Variants in IL1RAPL2 observed in about 807,000 individuals in gnomAD.
The protein encoded by IL1RAPL2 is interleukin 1 receptor accessory protein like 2.
Under a neutral mutation model 44.1 loss-of-function variants are expected in IL1RAPL2, and 3 were observed. The observed-to-expected ratio is 0.07, with a 90% CI of 0.03 to 0.18. The LOEUF (loss-of-function observed/expected upper bound fraction) is 0.18, where lower values mean the gene tolerates loss of function less well. Among genes scored for constraint, IL1RAPL2 ranks in the 10% least tolerant of loss-of-function variants. IL1RAPL2 has a pLI of 1.00. For missense variants in IL1RAPL2, 391 were observed against 496.4 expected (o/e 0.79, Z 2.02); for synonymous variants, 181 against 178.8 (o/e 1.01, Z -0.10).
chrX:104,855,750 G>A (rs377253121), intron 2 of IL1RAPL2, among the ~76,000 whole-genome samples: 4 of 97,551 alleles, frequency 4.1e-5, no homozygotes, highest in African/African-American at 1.1e-4. Flanking sequence ...CTGTAGCCTC[G>A]ACCTGCTGGA....
chrX:105,583,379 C>G (rs2037103429), intron 6 of IL1RAPL2, among the ~76,000 whole-genome samples: 1 of 111,287 alleles, frequency 9.0e-6, no homozygotes. Flanking sequence ...CGTGATCCCC[C>G]TGCCTCGGCC....
intron 5 of IL1RAPL2, among the ~76,000 whole-genome samples, chrX:105,301,998 G>GT (rs1163177262): frequency 8.9e-6 from 1 of 111,835 alleles, no homozygotes; most frequent in East Asian, 2.8e-4. Context: ...TGAGGGTTCT[G>GT]TTTTCTCCAC....
chrX:104,905,690 T>G (rs1707740113), intron 2 of IL1RAPL2, among the ~76,000 whole-genome samples: 1 of 111,712 alleles, frequency 9.0e-6, no homozygotes, highest in African/African-American at 3.3e-5. Flanking sequence ...AGTACCATGC[T>G]GTTTTGGTTA....
At chrX:105,658,729 C>T (rs1299464120) in intron 6 of IL1RAPL2, among the ~76,000 whole-genome samples, 3 of 107,143 alleles carry the variant, frequency 2.8e-5, no homozygotes, top group African/African-American at 1.0e-4. Flanking sequence ...GGGAGGTGGG[C>T]AGATCATGAG....
rs756891746 is a variant in IL1RAPL2, at chrX:104,677,387, G to A, written c.82+18392G>A. 2.6e-4 allele frequency among the ~76,000 whole-genome samples: 29 copies of A among 110,781 alleles called. No homozygotes were observed. The East Asian group carries it at 8.3e-3, about 32-fold the overall frequency. On this transcript the variant is annotated intron_variant, in intron 2 of 10. Transcript: ENST00000372582. The stretch of plus-strand genomic sequence containing the variant: ...GGTGTCACTGTGCCCCTGCTGGGGG[G>A]TGCCTCCCAGTTAGGGTGCTCAGGG...
intron 5 of IL1RAPL2, among the ~76,000 whole-genome samples, chrX:105,337,852 C>G (rs2035040651): frequency 9.1e-6 from 1 of 109,474 alleles, no homozygotes; most frequent in Non-Finnish European, 1.9e-5. Flanking sequence ...GATCGCGCCA[C>G]TGCACTCCAG....
intron 6 of IL1RAPL2, among the ~76,000 whole-genome samples, chrX:105,572,764 G>A (rs548701501): frequency 2.7e-5 from 3 of 111,903 alleles, no homozygotes; most frequent in African/African-American, 9.7e-5. Flanking sequence ...TAACAGTTCT[G>A]TTTGTATGAC....
In IL1RAPL2 at chrX:105,740,704, A is replaced by G. The variant is rs2038492705; in HGVS notation, c.1048+13A>G. ...CTGCGTAAAAAGGGTATTTATTTTT[A>G]TAACTATAACTATGGTTTGCTTAGC... On this transcript the variant is annotated intron_variant, in intron 8 of 10. Coordinates refer to ENST00000372582, the MANE Select transcript of IL1RAPL2 (RefSeq NM_017416.2). The G allele has an allele frequency of 8.4e-7, 1 of 1,184,304 alleles. No individual in the cohort carries two copies. The highest frequency in any genetic ancestry group is 1.1e-6 in the Non-Finnish European group (1 of 875,357).
chrX:104,618,243 C>T (rs942727936), intron 1 of IL1RAPL2, among the ~76,000 whole-genome samples: 3 of 112,009 alleles, frequency 2.7e-5, no homozygotes, highest in African/African-American at 9.7e-5. Flanking sequence ...GTACTTGATC[C>T]TTGTTCACTG....
intron 2 of IL1RAPL2, among the ~76,000 whole-genome samples, chrX:104,866,119 C>T (rs897194082): frequency 9.0e-6 from 1 of 111,609 alleles, no homozygotes; most frequent in Admixed American, 9.5e-5. Flanking sequence ...GATGAGTATT[C>T]AAATGCTAGT....
At chrX:105,374,805 G>C (rs781307855) in intron 5 of IL1RAPL2, among the ~76,000 whole-genome samples, 17 of 108,263 alleles carry the variant, frequency 1.6e-4, no homozygotes, top group African/African-American at 5.1e-4. Context: ...AAAATTAGCC[G>C]GGCGCGGTGG....
chrX:104,615,829 T>C (rs1410509968), intron 1 of IL1RAPL2, among the ~76,000 whole-genome samples: 1 of 112,354 alleles, frequency 8.9e-6, no homozygotes, highest in Non-Finnish European at 1.9e-5. Flanking sequence ...GTTGAATTAA[T>C]TTACATTCCC....
intron 6 of IL1RAPL2, among the ~76,000 whole-genome samples, chrX:105,534,226 A>G (rs1012722541): frequency 2.7e-5 from 3 of 112,026 alleles, no homozygotes; most frequent in African/African-American, 9.7e-5. Context: ...ATACATAACC[A>G]TTAGTAAGAA....
chrX:104,593,598 A>G (rs754055831), intron 1 of IL1RAPL2, among the ~76,000 whole-genome samples: 3 of 112,291 alleles, frequency 2.7e-5, no homozygotes, highest in African/African-American at 9.7e-5. Flanking sequence ...CAAAAATAAC[A>G]TACAAGTCTG....
intron 6 of IL1RAPL2, among the ~76,000 whole-genome samples, chrX:105,663,422 C>A (rs2037735084): frequency 8.9e-6 from 1 of 111,784 alleles, no homozygotes; most frequent in African/African-American, 3.2e-5. Context: ...TATAAATATG[C>A]AGTATCAAAC....
chrX:105,565,668 C>T (rs1035221717), intron 6 of IL1RAPL2, among the ~76,000 whole-genome samples: 7 of 112,060 alleles, frequency 6.2e-5, no homozygotes, highest in African/African-American at 9.7e-5. Context: ...TTTCCCACAC[C>T]GCACCTCCAT....
At chrX:105,004,172 A>G (rs1345204405) in intron 2 of IL1RAPL2, among the ~76,000 whole-genome samples, 2 of 110,160 alleles carry the variant, frequency 1.8e-5, no homozygotes, top group African/African-American at 6.6e-5. Context: ...TGTTTTCAAT[A>G]CACACATCTC....
chrX:104,845,374 CAGAG>C (rs746183011), intron 2 of IL1RAPL2, among the ~76,000 whole-genome samples: 1 of 111,879 alleles, frequency 8.9e-6, no homozygotes, highest in East Asian at 2.8e-4. Context: ...AACTAAATAA[CAGAG>C]AGAGAGGATC....
intron 6 of IL1RAPL2, among the ~76,000 whole-genome samples, chrX:105,561,486 A>C (rs2036936988): frequency 8.9e-6 from 1 of 112,364 alleles, no homozygotes; most frequent in South Asian, 3.7e-4. Flanking sequence ...GCAGCCATAC[A>C]TGCTGAGGGC....
Sources: allele counts gnomAD v4.1 joint callset (sites outside exome capture counted in the v4.1 genomes callset), GRCh38; gene constraint gnomAD v4.1.1; transcripts MANE v1.5; gene names NCBI Gene and HGNC (gene_info 2026-07-23, HGNC 2026-07-21).